The following OPN5 variants were observed in gnomAD, a reference collection of about 807,000 sequenced individuals.
The protein encoded by OPN5 is opsin-5.
Under a neutral mutation model 41.7 loss-of-function variants are expected in OPN5, and 18 were observed. That is an observed-to-expected ratio of 0.43 (90% CI 0.30 to 0.64). OPN5 has a LOEUF of 0.64. Among genes scored for constraint, OPN5 ranks in the 30% least tolerant of loss-of-function variants. The pLI is 0.13. For missense variants in OPN5, 318 were observed against 434.5 expected (o/e 0.73, Z 2.38); for synonymous variants, 178 against 164.3 (o/e 1.08, Z -0.64).
At chr6:47,798,452 G>C (rs1264285224) in intron 4 of OPN5, among the ~76,000 whole-genome samples, 1 of 151,408 alleles carries the variant, frequency 6.6e-6, no homozygotes, top group Non-Finnish European at 1.5e-5. Flanking sequence ...AGATCAAATA[G>C]TTAGGCTCAC....
intron 4 of OPN5, among the ~76,000 whole-genome samples, chr6:47,802,157 A>G (rs949875518): frequency 3.9e-5 from 6 of 152,300 alleles, no homozygotes; most frequent in African/African-American, 1.2e-4. Flanking sequence ...ATTCCCCTAC[A>G]GCTATGGACT....
exon 1 of OPN5, chr6:47,782,104 G>T (rs150978153): frequency 1.2e-6 from 2 of 1,613,236 alleles, no homozygotes; most frequent in African/African-American, 2.7e-5. Flanking sequence ...CAGGACGAGC[G>T]CCTGCCCCAT....
intron 6 of OPN5, among the ~76,000 whole-genome samples, chr6:47,819,095 T>G (rs1762516644): frequency 6.6e-6 from 1 of 151,912 alleles, no homozygotes; most frequent in African/African-American, 2.4e-5. Context: ...TTGCAAAAGT[T>G]CGTACAAAAA....
In OPN5 at chr6:47,786,646, A is replaced by G. The variant is rs747332798; in HGVS notation, c.250+12A>G. ...TCTGGGGATTTCAGGTAACACAACCATGCTGTGTTTTCTTTGTGGGTTTAA... is the reference window on the plus strand; with the variant it reads ...TCTGGGGATTTCAGGTAACACAACCGTGCTGTGTTTTCTTTGTGGGTTTAA... On this transcript the variant is annotated intron_variant, in intron 2 of 6. Transcript: ENST00000371211. 5.6e-6 allele frequency: 9 copies of G among 1,611,612 alleles called. No homozygotes were observed. The South Asian group carries it at 8.8e-5, about 16-fold the overall frequency.
intron 1 of OPN5, among the ~76,000 whole-genome samples, chr6:47,782,911 G>T (rs957315949): frequency 6.6e-6 from 1 of 152,022 alleles, no homozygotes; most frequent in African/African-American, 2.4e-5. Flanking sequence ...GATACTGAAG[G>T]CTCAGTACAA....
At chr6:47,826,270 C>T (rs984628846), downstream of OPN5, 2 of 152,056 alleles carry the variant, frequency 1.3e-5, no homozygotes, top group Non-Finnish European at 1.5e-5. Flanking sequence ...CCTGGGATTT[C>T]GTGAAAATAT....
At chr6:47,782,898 C>G (rs1048566019) in intron 1 of OPN5, among the ~76,000 whole-genome samples, 1 of 152,060 alleles carries the variant, frequency 6.6e-6, no homozygotes, top group Non-Finnish European at 1.5e-5. Flanking sequence ...TAAATACTCA[C>G]CAGATACTGA....
chr6:47,786,431 A>G (rs1773193691), intron 1 of OPN5, 84 bp from the exon 2 acceptor site: 6 of 1,118,934 alleles, frequency 5.4e-6, no homozygotes, highest in Admixed American at 2.0e-5. Context: ...TATGGTGTCC[A>G]TTTTTGAAGT....
intron 2 of OPN5, chr6:47,786,951 G>A (rs986871790): frequency 1.3e-5 from 6 of 459,774 alleles, no homozygotes; most frequent in African/African-American, 1.2e-4. Context: ...TCAGAAATCA[G>A]GAGGCAAATC....
At chr6:47,818,202 G>A (rs889528377) in intron 6 of OPN5, among the ~76,000 whole-genome samples, 1 of 152,100 alleles carries the variant, frequency 6.6e-6, no homozygotes, top group Admixed American at 6.6e-5. Flanking sequence ...ATTAGTTAGA[G>A]GGGGAAAAAG....
intron 6 of OPN5, 95 bp downstream of exon 6, chr6:47,811,826 TTTATA>T: frequency 1.3e-6 from 1 of 751,998 alleles, no homozygotes. Context: ...CACTTTTGTC[TTTATA>T]TTATATTTTT....
At chr6:47,825,030 T>C (rs1052340789), downstream of OPN5, 5 of 152,238 alleles carry the variant, frequency 3.3e-5, no homozygotes, top group South Asian at 2.1e-4. Flanking sequence ...ATTTAGAGAA[T>C]AGAAACAAAC....
intron 4 of OPN5, among the ~76,000 whole-genome samples, chr6:47,801,955 C>A (rs1773791895): frequency 6.6e-6 from 1 of 152,156 alleles, no homozygotes; most frequent in Non-Finnish European, 1.5e-5. Flanking sequence ...AGGAGTCAAT[C>A]CCAATTTTGC....
intron 3 of OPN5, among the ~76,000 whole-genome samples, chr6:47,793,022 A>C (rs73471934): frequency 6.7e-6 from 1 of 149,694 alleles, no homozygotes. Context: ...TCCTTTTTTA[A>C]ACATTTAAAA....
chr6:47,808,278 T>A, exon 5 of OPN5: 1 of 1,614,116 alleles, frequency 6.2e-7, no homozygotes, highest in East Asian at 2.2e-5. Flanking sequence ...CCAACCCTAC[T>A]TGCAAAATCT....
At chr6:47,805,935 G>A (rs77802873) in intron 4 of OPN5, among the ~76,000 whole-genome samples, 50 of 152,122 alleles carry the variant, frequency 3.3e-4, no homozygotes, top group Middle Eastern at 3.4e-3. Flanking sequence ...AATTTTCCTG[G>A]AACTCCTTTA....
At chr6:47,795,503 A>C in exon 4 of OPN5, 2 of 1,614,186 alleles carry the variant, frequency 1.2e-6, no homozygotes, top group Non-Finnish European at 1.7e-6. Context: ...CTTCCAAAGA[A>C]GTAGCTCATT....
At chr6:47,792,432 A>G (rs1200427986) in intron 3 of OPN5, among the ~76,000 whole-genome samples, 1 of 152,202 alleles carries the variant, frequency 6.6e-6, no homozygotes, top group Non-Finnish European at 1.5e-5. Flanking sequence ...CCTCCAAGTT[A>G]GAGTCATGTA....
At position 47,811,736 on chromosome 6, in the gene OPN5, G is replaced by A; in HGVS notation, c.1056+5G>A. ...GTGCTGGAAATTCATGAAGAGGTAT[G>A]AAGATGGATACAGCATCACTATGGA... On this transcript the variant is annotated splice_donor_5th_base_variant and intron_variant, in intron 6 of 6. Transcript: ENST00000371211. 1.9e-6 allele frequency: 3 copies of A among 1,602,726 alleles called. No individual in the cohort carries two copies. Among genetic ancestry groups the A allele is most frequent in the East Asian group, 2.2e-5 (1 of 44,788 alleles).
Sources: gnomAD v4.1 joint callset for allele counts (sites outside exome capture counted in the v4.1 genomes callset) on GRCh38, gnomAD v4.1.1 for gene constraint, MANE v1.5 for transcripts, NCBI Gene and HGNC (gene_info 2026-07-23, HGNC 2026-07-21) for gene names.